Variants in PKIB observed in about 807,000 individuals in gnomAD.
PKIB encodes PKI-beta.
A neutral mutation model predicts 4.5 loss-of-function variants in PKIB; 2 were observed. That is an observed-to-expected ratio of 0.44 (90% confidence interval 0.18 to 1.39). The LOEUF (loss-of-function observed/expected upper bound fraction) is 1.39. Ranked by LOEUF, PKIB falls within the 40% of genes most tolerant of loss-of-function variation. The pLI is 0.27. For synonymous variants in PKIB, 38 were observed against 36.0 expected (o/e 1.06, Z -0.20); for missense variants, 94 against 92.6 (o/e 1.02, Z -0.06).
chr6:122,540,130 A>G (rs1444843319), intron 2 of PKIB, among the ~76,000 whole-genome samples: 2 of 152,198 alleles, frequency 1.3e-5, no homozygotes, highest in South Asian at 4.2e-4. Context: ...TCAAAAAACC[A>G]GTTCCAGGAT....
At chr6:122,484,795 G>T (rs1775715978) in intron 2 of PKIB, among the ~76,000 whole-genome samples, 1 of 152,256 alleles carries the variant, frequency 6.6e-6, no homozygotes, top group South Asian at 2.1e-4. Flanking sequence ...ACTAAATATG[G>T]TCTGAGAAGG....
intron 3 of PKIB, among the ~76,000 whole-genome samples, chr6:122,603,724 G>A (rs538074983): frequency 1.1e-4 from 17 of 152,204 alleles, no homozygotes; most frequent in African/African-American, 3.4e-4. Flanking sequence ...CAAGTGTTCC[G>A]CCCACCTTGG....
chr6:122,512,078 G>A (rs1215907288), intron 2 of PKIB, among the ~76,000 whole-genome samples: 1 of 152,076 alleles, frequency 6.6e-6, no homozygotes, highest in Non-Finnish European at 1.5e-5. Context: ...GCACCCCACA[G>A]TCCTTTTTCC....
intron 2 of PKIB, among the ~76,000 whole-genome samples, chr6:122,648,375 T>G (rs1160812913): frequency 6.6e-6 from 1 of 152,208 alleles, no homozygotes; most frequent in African/African-American, 2.4e-5. Flanking sequence ...CACCACATAT[T>G]GAGCACATAC....
intron 2 of PKIB, among the ~76,000 whole-genome samples, chr6:122,545,795 G>T (rs1255158699): frequency 6.6e-6 from 1 of 150,674 alleles, no homozygotes; most frequent in African/African-American, 2.4e-5. Flanking sequence ...TAAAATAAAA[G>T]TTGGAAAGAA....
In PKIB at chr6:122,724,514, C is replaced by T. The variant is rs370910921; in HGVS notation, c.170-614C>T. Among the ~76,000 whole-genome samples the T allele has an allele frequency of 2.0e-4, 31 of 152,210 alleles. No homozygotes were observed. The South Asian group carries it at 6.4e-3, about 32-fold the overall frequency. ...TGCATTTTCATTTTGCACTGGGCACCAACAAATTACATAGCCAGTGCTCAC... is the reference window on the plus strand; with the variant it reads ...TGCATTTTCATTTTGCACTGGGCACTAACAAATTACATAGCCAGTGCTCAC... On this transcript the variant is annotated intron_variant, in intron 4 of 4. Transcript: ENST00000368452.
At chr6:122,602,811 C>A (rs966124234) in intron 3 of PKIB, among the ~76,000 whole-genome samples, 3 of 151,884 alleles carry the variant, frequency 2.0e-5, no homozygotes, top group Admixed American at 1.3e-4. Context: ...AAAAAATTAG[C>A]CGGGTGTGGT....
At chr6:122,694,102 C>T (rs1411408482) in intron 3 of PKIB, among the ~76,000 whole-genome samples, 1 of 152,024 alleles carries the variant, frequency 6.6e-6, no homozygotes, top group African/African-American at 2.4e-5. Flanking sequence ...GCAGTTAGAT[C>T]CTGAAGATAC....
chr6:122,477,541 C>T (rs1223657320), intron 1 of PKIB, among the ~76,000 whole-genome samples: 1 of 152,086 alleles, frequency 6.6e-6, no homozygotes, highest in East Asian at 1.9e-4. Context: ...TCCAGTAATC[C>T]ATATATTCCA....
intron 1 of PKIB, among the ~76,000 whole-genome samples, chr6:122,629,291 A>T (rs573985465): frequency 6.6e-6 from 1 of 152,330 alleles, no homozygotes; most frequent in South Asian, 2.1e-4. Context: ...GAAAAGTACT[A>T]CAGGCGCCAA....
At chr6:122,644,650 G>T (rs1184156341) in intron 2 of PKIB, 2 of 152,168 alleles carry the variant, frequency 1.3e-5, no homozygotes, top group African/African-American at 2.4e-5. Flanking sequence ...ATTTTAATGT[G>T]ATGTGACCTC....
At chr6:122,706,796 T>G (rs1419354144) in intron 3 of PKIB, among the ~76,000 whole-genome samples, 1 of 152,056 alleles carries the variant, frequency 6.6e-6, no homozygotes, top group Non-Finnish European at 1.5e-5. Context: ...TATAGAAAAT[T>G]TGGAAAAAAG....
In PKIB at chr6:122,610,948, C is replaced by T. The variant is rs139061191; in HGVS notation, c.-161+413C>T. Among the ~76,000 whole-genome samples the T allele has an allele frequency of 9.3e-3, 1,411 of 152,310 alleles. 21 individuals are homozygous for T. The highest frequency in any genetic ancestry group is 0.032 in the African/African-American group (1,332 of 41,580). The stretch of plus-strand genomic sequence containing the variant: ...CAAGCCCCGGGTAGTCACGAGCGGC[C>T]GCGGGGTTAGCAGAGACCCGAGTAC... On this transcript the variant is annotated intron_variant, in intron 1 of 4. Coordinates refer to ENST00000368452, the MANE Select transcript of PKIB (RefSeq NM_181795.3).
chr6:122,513,968 G>A (rs1248321208), intron 2 of PKIB, among the ~76,000 whole-genome samples: 1 of 152,216 alleles, frequency 6.6e-6, no homozygotes, highest in Non-Finnish European at 1.5e-5. Context: ...TTCTAGGTCA[G>A]TGCTGAAGTC....
At chr6:122,627,070 TAAAAAAAAAAAAA>T (rs60344840) in intron 1 of PKIB, among the ~76,000 whole-genome samples, 1 of 108,354 alleles carries the variant, frequency 9.2e-6, no homozygotes, top group Non-Finnish European at 1.9e-5. Context: ...CCGTCTCTAC[TAAAAAAAAAAAAA>T]AAAAAAAAAA....
intron 2 of PKIB, among the ~76,000 whole-genome samples, chr6:122,579,677 A>G (rs1204108631): frequency 6.6e-6 from 1 of 152,196 alleles, no homozygotes; most frequent in Admixed American, 6.5e-5. Flanking sequence ...ATACAACAAA[A>G]TGAAAATTAC....
intron 4 of PKIB, among the ~76,000 whole-genome samples, chr6:122,719,240 A>G (rs1299610374): frequency 6.6e-6 from 1 of 152,140 alleles, no homozygotes; most frequent in African/African-American, 2.4e-5. Flanking sequence ...GAGCAAATAC[A>G]CTGTGGGAGA....
intron 3 of PKIB, among the ~76,000 whole-genome samples, chr6:122,588,413 A>T (rs1773918575): frequency 6.6e-6 from 1 of 152,102 alleles, no homozygotes; most frequent in Admixed American, 6.6e-5. Flanking sequence ...TCTTCACAGA[A>T]TTGGAAAAAA....
intron 2 of PKIB, among the ~76,000 whole-genome samples, chr6:122,516,967 A>G (rs907605811): frequency 2.6e-5 from 4 of 152,166 alleles, no homozygotes; most frequent in African/African-American, 4.8e-5. Context: ...CCTCCCACCC[A>G]TAGTGTGGGA....
Sources: gnomAD v4.1 joint callset for allele counts (sites outside exome capture counted in the v4.1 genomes callset) on GRCh38, gnomAD v4.1.1 for gene constraint, MANE v1.5 for transcripts, NCBI Gene and HGNC (gene_info 2026-07-23, HGNC 2026-07-21) for gene names.